Variants in IQGAP2 observed in about 807,000 individuals in gnomAD.
The protein encoded by IQGAP2 is ras GTPase-activating-like protein IQGAP2.
In IQGAP2, 173 loss-of-function variants were observed where a neutral mutation model predicts 201.3. The observed-to-expected ratio is 0.86, with a 90% confidence interval of 0.76 to 0.98. The LOEUF (loss-of-function observed/expected upper bound fraction) is 0.98, where lower values mean the gene tolerates loss of function less well. Among genes scored for constraint, IQGAP2 ranks in the 50% least tolerant of loss-of-function variants. The pLI is 0.00. For missense variants in IQGAP2, 1,687 were observed against 1,864.8 expected (o/e 0.90, Z 1.76); for synonymous variants, 675 against 673.9 (o/e 1.00, Z -0.03).
intron 1 of IQGAP2, among the ~76,000 whole-genome samples, chr5:76,428,698 G>T (rs113088229): frequency 0.038 from 5,770 of 150,888 alleles, 206 homozygotes; most frequent in African/African-American, 0.095. Flanking sequence ...CTCCCAAAGT[G>T]CTGGGATTAC....
Position 76,658,514 on chromosome 5 carries a change from C to T in IQGAP2, c.2376C>T (p.Asp792=). Residue 792 remains aspartate, a synonymous_variant, in exon 21 of 36, where the codon GAC becomes GAT. Coordinates refer to ENST00000274364, the MANE Select transcript of IQGAP2 (RefSeq NM_006633.5). ...TVIRKFVYLL[D]QSDLDFQEEL... The stretch of plus-strand genomic sequence containing the variant: ...TTCGCAAATTTGTATACCTGCTGGA[C>T]CAAAGTGATTTGGATTTCCAGGAGG... The T allele has an allele frequency of 6.2e-7, 1 of 1,613,986 alleles. No individual in the cohort carries two copies. The highest frequency in any genetic ancestry group is 8.5e-7 in the Non-Finnish European group (1 of 1,179,982).
rs767367360 is a variant in IQGAP2 at position 76,618,176 on chromosome 5, C to T, written c.1521+6993C>T. ...AGGCAAGGAGCAGAATGGAGCAGTA[C>T]ATGTTGCCATAGAAGATGACTGTGG... On this transcript the variant is annotated intron_variant, in intron 13 of 35. Transcript: ENST00000274364. 5.6e-6 allele frequency: 9 copies of T among 1,614,168 alleles called. No homozygotes were observed. The East Asian group carries it at 1.8e-4, about 32-fold the overall frequency.
intron 13 of IQGAP2, among the ~76,000 whole-genome samples, chr5:76,614,082 G>C (rs1050089020): frequency 6.6e-6 from 1 of 152,174 alleles, no homozygotes; most frequent in Non-Finnish European, 1.5e-5. Context: ...CTGGGTCCCT[G>C]TCTGCCCACA....
intron 1 of IQGAP2, among the ~76,000 whole-genome samples, chr5:76,418,878 G>A (rs560088669): frequency 1.3e-5 from 2 of 152,044 alleles, no homozygotes; most frequent in Non-Finnish European, 2.9e-5. Flanking sequence ...GGTTTCCTAG[G>A]GCTGCTGGGT....
chr5:76,408,339 C>G (rs966813135), intron 1 of IQGAP2, among the ~76,000 whole-genome samples: 7 of 152,156 alleles, frequency 4.6e-5, no homozygotes, highest in Non-Finnish European at 8.8e-5. Flanking sequence ...GGGCTAGGTG[C>G]TTTTCATGTG....
At position 76,461,731 on chromosome 5, in the gene IQGAP2, C is replaced by T. The variant is rs10045155; in HGVS notation, c.146+62C>T. On this transcript the variant is annotated intron_variant, in intron 2 of 35. Coordinates refer to ENST00000274364, the MANE Select transcript of IQGAP2 (RefSeq NM_006633.5). ...TTGGAGATAAGCTTTGTGATAAGGG[C>T]GTGGGATTTGATGACCAGAGGGTTC... is the stretch of plus-strand genomic sequence containing the variant. 0.25 allele frequency: 303,452 copies of T among 1,213,240 alleles called. 42,332 individuals are homozygous for T. The highest frequency in any genetic ancestry group is 0.52 in the East Asian group (22,222 of 42,590). The allele number at this position is 1,213,240 out of a possible 1,614,324, so 75.2% of individuals were successfully genotyped here. A position where few individuals can be genotyped will look rare whatever the true frequency, so the allele number is the denominator to read the frequency against.
chr5:76,640,566 C>T (rs1162161469), intron 16 of IQGAP2, among the ~76,000 whole-genome samples: 5 of 152,156 alleles, frequency 3.3e-5, no homozygotes, highest in African/African-American at 9.7e-5. Context: ...TTTTCCTTGG[C>T]AGTCCGAGGG....
At chr5:76,699,608 T>C (rs1359071843) in intron 33 of IQGAP2, 8 of 9,780 alleles carry the variant, frequency 8.2e-4, no homozygotes, top group Non-Finnish European at 1.9e-3. Flanking sequence ...TCTCTGTTTC[T>C]CTCTCTCTCT....
chr5:76,672,709 A>T (rs977813590), intron 24 of IQGAP2, among the ~76,000 whole-genome samples: 1 of 152,188 alleles, frequency 6.6e-6, no homozygotes, highest in Admixed American at 6.5e-5. Flanking sequence ...CAGGATCTGT[A>T]TAGAATGTCG....
intron 12 of IQGAP2, among the ~76,000 whole-genome samples, chr5:76,609,993 A>G (rs1748146976): frequency 7.0e-6 from 1 of 142,186 alleles, no homozygotes; most frequent in African/African-American, 2.6e-5. Flanking sequence ...AGCAGGTTTC[A>G]TAGTTTGACT....
chr5:76,418,185 T>A (rs1167565632), intron 1 of IQGAP2, among the ~76,000 whole-genome samples: 1 of 131,616 alleles, frequency 7.6e-6, no homozygotes, highest in Non-Finnish European at 1.5e-5. Context: ...CCAGCCTGGG[T>A]GACAGAGAGA....
Position 76,420,118 on chromosome 5 carries a change from C to T in IQGAP2, c.46+16527C>T, listed in dbSNP as rs144316739. On this transcript the variant is annotated intron_variant, in intron 1 of 35. Transcript: ENST00000274364. ...CCTGTTTCCTCCAGGTGCATCACAT[C>T]AGGGGCTACAGTGTCCACCCTCCCA... is the stretch of plus-strand genomic sequence containing the variant. Among the ~76,000 whole-genome samples, 99 of 152,284 alleles carry T rather than the reference C, an allele frequency of 6.5e-4. 2 individuals are homozygous for T. In the East Asian group the frequency reaches 0.016, roughly 24 times the overall value.
chr5:76,641,163 T>G, intron 17 of IQGAP2, 60 bp downstream of exon 17: 2 of 1,333,444 alleles, frequency 1.5e-6, no homozygotes, highest in Non-Finnish European at 2.1e-6. Flanking sequence ...AAATGTTTTA[T>G]TTGATAATAG....
intron 2 of IQGAP2, among the ~76,000 whole-genome samples, chr5:76,502,124 G>C (rs1757315652): frequency 6.6e-6 from 1 of 152,196 alleles, no homozygotes; most frequent in Admixed American, 6.5e-5. Flanking sequence ...AAGCTGACTA[G>C]AAAGTCGCCT....
Position 76,461,975 on chromosome 5 carries a change from A to T in IQGAP2, c.146+306A>T, listed in dbSNP as rs568342647. 5.9e-5 allele frequency among the ~76,000 whole-genome samples: 9 copies of T among 152,314 alleles called. No individual in the cohort carries two copies. In the South Asian group the frequency reaches 1.9e-3, roughly 32 times the overall value. On this transcript the variant is annotated intron_variant, in intron 2 of 35. Coordinates refer to ENST00000274364, the MANE Select transcript of IQGAP2 (RefSeq NM_006633.5). ...TACATAGTTCTAATAACTCATTTGCAGTCTTGTTGGCAGCAGGATAATGGG... is the reference window on the plus strand; with the variant it reads ...TACATAGTTCTAATAACTCATTTGCTGTCTTGTTGGCAGCAGGATAATGGG...
chr5:76,536,662 G>A (rs1259939108), intron 2 of IQGAP2, among the ~76,000 whole-genome samples: 1 of 151,822 alleles, frequency 6.6e-6, no homozygotes, highest in Non-Finnish European at 1.5e-5. Flanking sequence ...TGGAGGCTGA[G>A]GCAGGGAGAA....
At chr5:76,425,028 A>T (rs909196645) in intron 1 of IQGAP2, among the ~76,000 whole-genome samples, 1 of 152,208 alleles carries the variant, frequency 6.6e-6, no homozygotes, top group African/African-American at 2.4e-5. Context: ...CTGCCATGGG[A>T]GGCAAGTATT....
In IQGAP2 at chr5:76,637,092, C is replaced by A; in HGVS notation, c.1839C>A (p.Tyr613Ter). The A allele has an allele frequency of 6.2e-7, 1 of 1,611,262 alleles. No individual in the cohort carries two copies. The highest frequency in any genetic ancestry group is 8.5e-7 in the Non-Finnish European group (1 of 1,177,806). ...TGCACAAAAAATATGACTACTATTA[C>A]AACACTGATTCAAAAGAGAGTTCCT... Reference protein sequence around the residue: ...LNLHKKYDYYYNTDSKESSWV... With the variant: ...LNLHKKYDYY The change falls in exon 16 of 36, where the codon TAC (tyrosine) becomes TAA (stop). Residue 613 changes from tyrosine to a stop codon, truncating the protein, a stop_gained. Coordinates refer to ENST00000274364, the MANE Select transcript of IQGAP2 (RefSeq NM_006633.5). LOFTEE classifies it high-confidence loss of function.
At chr5:76,706,396 G>A (rs1054915792) in intron 35 of IQGAP2, among the ~76,000 whole-genome samples, 1 of 152,054 alleles carries the variant, frequency 6.6e-6, no homozygotes, top group East Asian at 1.9e-4. Flanking sequence ...CGCTGAGGCT[G>A]GAGTACAGCA....
Sources: allele counts gnomAD v4.1 joint callset (sites outside exome capture counted in the v4.1 genomes callset), GRCh38; gene constraint gnomAD v4.1.1; transcripts MANE v1.5; gene names NCBI Gene and HGNC (gene_info 2026-07-23, HGNC 2026-07-21).